The following SHANK1 variants were observed in gnomAD, a reference collection of about 807,000 sequenced individuals.
The protein encoded by SHANK1 is SH3 and multiple ankyrin repeat domains 1, also known as SH3 and multiple ankyrin repeat domains protein 1.
Under a neutral mutation model 165.6 loss-of-function variants are expected in SHANK1, and 35 were observed. The observed-to-expected ratio is 0.21, with a 90% CI of 0.16 to 0.28. SHANK1 has a LOEUF of 0.28. SHANK1 is among the 10% of genes least tolerant of loss of function. SHANK1 has a pLI of 1.00. For missense variants in SHANK1, 2,681 were observed against 3,036.4 expected, an observed-to-expected ratio of 0.88 and a Z score of 2.75; for synonymous variants, 1,428 against 1,384.8, an observed-to-expected ratio of 1.03 and a Z score of -0.69.
At chr19:50,675,061 CAAAAAAAA>C (rs10560370) in intron 21 of SHANK1, among the ~76,000 whole-genome samples, 6 of 85,706 alleles carry the variant, frequency 7.0e-5, no homozygotes, top group Admixed American at 1.3e-4. Context: ...CACTCGGTCT[CAAAAAAAA>C]AAAAAAAAAA....
intron 10 of SHANK1, 49 bp downstream of exon 10, chr19:50,704,071 C>T: frequency 6.3e-7 from 1 of 1,595,684 alleles, no homozygotes; most frequent in Non-Finnish European, 8.6e-7. Flanking sequence ...CACCATGAAA[C>T]CTCAACCGCC....
rs766019271 is a variant in SHANK1 at position 50,703,548 on chromosome 19, C to T, written c.1505G>A (p.Arg502Gln). The change falls in exon 11 of 24, where the codon CGA becomes CAA. Residue 502 changes from arginine to glutamine, a missense_variant. Arg to Gln is a conservative substitution (Grantham distance 43, BLOSUM62 1). Transcript: ENST00000293441. ...CTTGGCGTCCTCAGGGTGCCTCCCT[C>T]GGGATGGAGAGCGGGCCCTGGCACC... is the stretch of plus-strand genomic sequence containing the variant. ...PRGARARSPS[R>Q]GRHPEDAKRQ... 18 of 1,552,102 alleles carry T rather than the reference C, an allele frequency of 1.2e-5. No individual in the cohort carries two copies. Among genetic ancestry groups the T allele is most frequent in the African/African-American group, 8.1e-5 (6 of 73,642 alleles).
chr19:50,715,053 C>A (rs2089054330), intron 4 of SHANK1, among the ~76,000 whole-genome samples: 1 of 151,812 alleles, frequency 6.6e-6, no homozygotes, highest in Non-Finnish European at 1.5e-5. Context: ...CAAGGAGGGA[C>A]TGGGAGTTTT....
rs970613888 is a variant in SHANK1, at chr19:50,690,739, A to T, written c.1965-1460T>A. Among the ~76,000 whole-genome samples the T allele has an allele frequency of 2.6e-5, 4 of 151,952 alleles. No individual in the cohort carries two copies. ...TGTTTCGGCAACCCCCACACATCCC[A>T]GTATGTTCCAATAATAACTCCCCCT... On this transcript the variant is annotated intron_variant, in intron 15 of 23. Transcript: ENST00000293441. The surrounding 1 kb of genome is among the most constrained non-coding windows in gnomAD (Gnocchi z 4.9).
chr19:50,700,192 A>AG (rs1986872312), intron 12 of SHANK1, among the ~76,000 whole-genome samples: 1 of 76,980 alleles, frequency 1.3e-5, no homozygotes, highest in African/African-American at 5.2e-5. Context: ...GGGCATTGGG[A>AG]GATTGGAGGA....
chr19:50,669,108 C>T lies in SHANK1; in HGVS notation c.2852G>A (p.Gly951Glu). The change falls in exon 23 of 24, where the codon GGA becomes GAA. Residue 951 changes from glycine (G) to glutamate (E), a missense_variant. Physicochemically the swap from Gly to Glu is moderately conservative, Grantham distance 98. Transcript: ENST00000293441. ...ACCAGAGCCAGGGTTGAAGGGCCCT[C>T]CCCGAGGGGAGGGGGTGAGGCGCCC... ...SSGRLTPSPR[G>E]GPFNPGSGGP... 2 of 1,486,670 alleles carry T rather than the reference C, an allele frequency of 1.3e-6. No homozygotes were observed. Among genetic ancestry groups the T allele is most frequent in the African/African-American group, 1.4e-5 (1 of 70,292 alleles). The allele number at this position is 1,486,670 out of a possible 1,614,324, so 92.1% of individuals were successfully genotyped here.
At position 50,666,423 on chromosome 19, in the gene SHANK1, G is replaced by A. The variant is rs751035857; in HGVS notation, c.5537C>T (p.Pro1846Leu). 8.7e-6 allele frequency: 14 copies of A among 1,610,938 alleles called. No individual in the cohort carries two copies. Among genetic ancestry groups the A allele is most frequent in the Non-Finnish European group, 1.0e-5 (12 of 1,179,146 alleles). Residue 1846 changes from proline to leucine, a missense_variant, in exon 23 of 24, where the codon CCA becomes CTA. By Grantham distance (98) the Pro-to-Leu change is moderately conservative. Coordinates refer to ENST00000293441, the MANE Select transcript of SHANK1 (RefSeq NM_016148.5). ...KLLPWEEGPG[P>L]PPPPLPGPLA... ...GGGCCCGGGCAGAGGTGGTGGCGGT[G>A]GGCCCGGGCCCTCCTCCCAGGGCAG...
At position 50,713,763 on chromosome 19, in the gene SHANK1, C is replaced by G; in HGVS notation, c.792+35G>C. 6.2e-7 allele frequency: 1 copy of G among 1,609,322 alleles called. No homozygotes were observed. Among genetic ancestry groups the G allele is most frequent in the Non-Finnish European group, 8.5e-7 (1 of 1,178,010 alleles). On this transcript the variant is annotated intron_variant, in intron 6 of 23. Transcript: ENST00000293441. The surrounding 1 kb of genome is among the most constrained non-coding windows in gnomAD (Gnocchi z 6.2). ...GAACAAAGGGAAAAGGAGAGAGGGC[C>G]CCATGGCGGGGATGGGGGGTCCCCG... is the stretch of plus-strand genomic sequence containing the variant.
intron 21 of SHANK1, among the ~76,000 whole-genome samples, chr19:50,685,145 C>T (rs1599852850): frequency 6.6e-6 from 1 of 152,110 alleles, no homozygotes; most frequent in Non-Finnish European, 1.5e-5. Flanking sequence ...AGAGCGTGGC[C>T]TCTGGAGGAG....
intron 19 of SHANK1, 120 bp downstream of exon 19, chr19:50,687,461 TG>T: frequency 1.4e-6 from 1 of 728,878 alleles, no homozygotes; most frequent in Non-Finnish European, 2.2e-6. Context: ...ACCCATGGAC[TG>T]GGGACAGGAT....
In SHANK1 at chr19:50,707,896, C is replaced by CTTTTCTT. The variant is rs2088961404; in HGVS notation, c.1078-3389_1078-3383dup. 1.8e-3 allele frequency among the ~76,000 whole-genome samples: 20 copies of CTTTTCTT among 11,046 alleles called. No individual in the cohort carries two copies. In the South Asian group the frequency reaches 0.023, roughly 13 times the overall value. 7.2% of individuals were successfully genotyped at this position (11,046 alleles called of 152,430 possible). On this transcript the variant is annotated intron_variant, in intron 8 of 23. Coordinates refer to ENST00000293441, the MANE Select transcript of SHANK1 (RefSeq NM_016148.5). ...GCGTGTTTTTCTTTTCTTTTCTTTT[C>CTTTTCTT]TTTTCTTTTCTTTTCTTTTCTTTTC...
Position 50,662,801 on chromosome 19 carries a change from GAGAGACGGAGGAGAGACGGGAAGAAA to G in SHANK1, c.5769-145_5769-120del, listed in dbSNP as rs1293194298. 9 of 1,032,940 alleles carry G rather than the reference GAGAGACGGAGGAGAGACGGGAAGAAA, an allele frequency of 8.7e-6. No homozygotes were observed. In the African/African-American group the frequency reaches 1.6e-4, roughly 18 times the overall value. 64.0% of individuals were successfully genotyped at this position (1,032,940 alleles called of 1,614,324 possible). A position where few individuals can be genotyped will look rare whatever the true frequency, so the allele number is the denominator to read the frequency against. On this transcript the variant is annotated intron_variant, in intron 23 of 23. Transcript: ENST00000293441. The surrounding 1 kb of genome is among the most constrained non-coding windows in gnomAD (Gnocchi z 7.7). ...AGGAGGAGAGACATAAGGGTAGGGG[GAGAGACGGAGGAGAGACGGGAAGAAA>G]TGGAGGGAGCAAGGGGTAAGACGGC...
chr19:50,665,838 A>G (rs1202753811), intron 23 of SHANK1, among the ~76,000 whole-genome samples: 1 of 150,556 alleles, frequency 6.6e-6, no homozygotes, highest in African/African-American at 2.5e-5. Flanking sequence ...GTTCGAGACC[A>G]GCCTGACCAA....
intron 21 of SHANK1, among the ~76,000 whole-genome samples, chr19:50,683,336 G>A (rs1986233081): frequency 6.6e-6 from 1 of 152,174 alleles, no homozygotes; most frequent in Non-Finnish European, 1.5e-5. Context: ...GTGGCTATAT[G>A]CAGTAGTTGT....
intron 21 of SHANK1, among the ~76,000 whole-genome samples, chr19:50,674,396 C>T (rs753892328): frequency 6.6e-6 from 1 of 152,148 alleles, no homozygotes; most frequent in Non-Finnish European, 1.5e-5. Flanking sequence ...ATGAAGTTCG[C>T]ACCTTTGGGA....
rs753879389 is a variant in SHANK1, at chr19:50,712,128, G to C, written c.793-14C>G. ...GTCCAGGAGCGCCTAGGAACGGAGA[G>C]AGAACCCAGTAGAAAAACACAGATG... On this transcript the variant is annotated splice_polypyrimidine_tract_variant and intron_variant, in intron 6 of 23. Transcript: ENST00000293441. 2 of 1,564,914 alleles carry C rather than the reference G, an allele frequency of 1.3e-6. No individual in the cohort carries two copies. The highest frequency in any genetic ancestry group is 1.7e-6 in the Non-Finnish European group (2 of 1,158,210).
At chr19:50,710,286 A>G (rs1038373908) in intron 8 of SHANK1, among the ~76,000 whole-genome samples, 3 of 152,196 alleles carry the variant, frequency 2.0e-5, no homozygotes, top group Non-Finnish European at 4.4e-5. Flanking sequence ...GGCTGCCACA[A>G]GGCGGCACGT....
intron 15 of SHANK1, among the ~76,000 whole-genome samples, chr19:50,695,083 G>A (rs1433468423): frequency 1.4e-5 from 2 of 145,468 alleles, no homozygotes; most frequent in Non-Finnish European, 3.1e-5. Flanking sequence ...GGTGCCGGCC[G>A]CCCCCGCCGC....
Position 50,686,950 on chromosome 19 carries a change from G to A in SHANK1, c.2390-138C>T. On this transcript the variant is annotated intron_variant, in intron 19 of 23. Coordinates refer to ENST00000293441, the MANE Select transcript of SHANK1 (RefSeq NM_016148.5). This position sits in a 1 kb window ranked among gnomAD's most constrained non-coding sequence, Gnocchi z 5.7. Reference sequence around the variant, plus strand: ...GAGGGGCAGTGAGGGGCCGGGGTCAGGGAGGGGCGAGTCCGCCGGCGGGGT... The same window carrying A: ...GAGGGGCAGTGAGGGGCCGGGGTCAAGGAGGGGCGAGTCCGCCGGCGGGGT... 4 of 1,350,362 alleles carry A rather than the reference G, an allele frequency of 3.0e-6. No homozygotes were observed. In the South Asian group the frequency reaches 6.3e-5, roughly 21 times the overall value. The allele number at this position is 1,350,362 out of a possible 1,614,324, so 83.6% of individuals were successfully genotyped here. A position where few individuals can be genotyped will look rare whatever the true frequency, so the allele number is the denominator to read the frequency against.
Sources: allele counts gnomAD v4.1 joint callset (sites outside exome capture counted in the v4.1 genomes callset), GRCh38; gene constraint gnomAD v4.1.1; non-coding constraint Gnocchi (gnomAD v3.1); transcripts MANE v1.5; gene names NCBI Gene and HGNC (gene_info 2026-07-23, HGNC 2026-07-21).